Variants in SYNE1 observed in about 807,000 individuals in gnomAD.
The protein encoded by SYNE1 is spectrin repeat containing nuclear envelope protein 1.
SYNE1 carries 616 observed loss-of-function variants against 1,111.0 expected under a neutral mutation model. That is an observed-to-expected ratio of 0.55 (90% CI 0.52 to 0.59). The LOEUF (loss-of-function observed/expected upper bound fraction) is 0.59. Among genes scored for constraint, SYNE1 ranks in the 20% least tolerant of loss-of-function variants. The pLI, the probability that SYNE1 is intolerant of heterozygous loss-of-function variation, is 0.00. For missense variants in SYNE1, 10,006 were observed against 10,417.0 expected (o/e 0.96, Z 1.72); for synonymous variants, 3,855 against 3,825.8 (o/e 1.01, Z -0.28).
At chr6:152,518,508 A>G (rs2099123785) in intron 6 of SYNE1, among the ~76,000 whole-genome samples, 1 of 151,940 alleles carries the variant, frequency 6.6e-6, no homozygotes, top group Non-Finnish European at 1.5e-5. Flanking sequence ...CCATGATTGT[A>G]AGCTTCCTGA....
rs886061188 is a variant in SYNE1 at position 152,121,987 on chromosome 6, A to T, written c.*449T>A. On this transcript the variant is annotated 3_prime_UTR_variant, in exon 146 of 146. Coordinates refer to ENST00000367255, the MANE Select transcript of SYNE1 (RefSeq NM_182961.4). Reference sequence around the variant, plus strand: ...TAAAAATTGTATGTTACAAGGTTCTAAAATCTCTTCAGCACTGGTTGGTTG... The same window carrying T: ...TAAAAATTGTATGTTACAAGGTTCTTAAATCTCTTCAGCACTGGTTGGTTG... 11 of 185,286 alleles carry T rather than the reference A, an allele frequency of 5.9e-5. No homozygotes were observed. Among genetic ancestry groups the T allele is most frequent in the Non-Finnish European group, 8.1e-5 (7 of 86,112 alleles). 11.5% of individuals were successfully genotyped at this position (185,286 alleles called of 1,614,324 possible). A position where few individuals can be genotyped will look rare whatever the true frequency, so the allele number is the denominator to read the frequency against.
chr6:152,510,598 T>C (rs778134988), intron 7 of SYNE1, among the ~76,000 whole-genome samples: 20 of 152,218 alleles, frequency 1.3e-4, no homozygotes, highest in Admixed American at 3.9e-4. Context: ...AATACATGAA[T>C]GAATTAATCA....
chr6:152,318,115 C>T lies in SYNE1; in HGVS notation c.16538G>A (p.Arg5513Lys), dbSNP rs138745849. 652 of 1,614,218 alleles carry T rather than the reference C, an allele frequency of 4.0e-4. No homozygotes were observed. The highest frequency in any genetic ancestry group is 3.3e-3 in the African/African-American group (247 of 75,068). ...KLTELHQQTI[R>K]QAENRLSKLN... ...CTTGGAGAGCCGATTCTCAGCTTGT[C>T]TAATGGTCTGCTGGTGAAGTTCAGT... The change falls in exon 86 of 146, where the codon AGA becomes AAA. Residue 5513 changes from arginine to lysine, a missense_variant. Arg to Lys is a conservative substitution (Grantham distance 26). Around this residue, in one of 7 missense-constraint regions of SYNE1, gnomAD observed 4,955 missense variants for 5,017.2 expected, o/e 0.99. Transcript: ENST00000367255.
Position 152,222,897 on chromosome 6 carries a change from T to C in SYNE1, c.21523-1338A>G, listed in dbSNP as rs115836004. Among the ~76,000 whole-genome samples, 661 of 152,330 alleles carry C rather than the reference T, an allele frequency of 4.3e-3. 4 individuals are homozygous for C. The highest frequency in any genetic ancestry group is 0.015 in the African/African-American group (628 of 41,578). On this transcript the variant is annotated intron_variant, in intron 117 of 145. Coordinates refer to ENST00000367255, the MANE Select transcript of SYNE1 (RefSeq NM_182961.4). Reference sequence around the variant, plus strand: ...AGCAAAGAATATTTATCAGACAGGTTTGGCATCTTCTACCAAGCCTATCTA... The same window carrying C: ...AGCAAAGAATATTTATCAGACAGGTCTGGCATCTTCTACCAAGCCTATCTA...
chr6:152,274,548 C>CT (rs1424855108), intron 98 of SYNE1, among the ~76,000 whole-genome samples: 1 of 151,912 alleles, frequency 6.6e-6, no homozygotes, highest in East Asian at 1.9e-4. Flanking sequence ...TCATACAGAA[C>CT]TTTTTTATTT....
At chr6:152,491,385 C>A (rs960011648) in intron 11 of SYNE1, among the ~76,000 whole-genome samples, 23 of 152,260 alleles carry the variant, frequency 1.5e-4, no homozygotes, top group African/African-American at 5.1e-4. Context: ...CTGCTCACCA[C>A]CCCCTTCTCT....
intron 105 of SYNE1, among the ~76,000 whole-genome samples, chr6:152,247,879 C>CAT (rs1554272728): frequency 6.6e-6 from 1 of 151,412 alleles, no homozygotes; most frequent in African/African-American, 2.4e-5. Flanking sequence ...CACACACACA[C>CAT]ACACACACAC....
At chr6:152,138,251 T>C (rs1209305799) in intron 140 of SYNE1, among the ~76,000 whole-genome samples, 5 of 152,104 alleles carry the variant, frequency 3.3e-5, no homozygotes, top group African/African-American at 4.8e-5. Flanking sequence ...TGGCTCATGC[T>C]TGTAATCCCA....
rs561145000 is a variant in SYNE1 at position 152,391,462 on chromosome 6, T to C, written c.7819A>G (p.Asn2607Asp). Residue 2607 changes from asparagine (N) to aspartate (D), a missense_variant, in exon 52 of 146, where the codon AAC becomes GAC. Physicochemically the swap from Asn to Asp is conservative, Grantham distance 23. Coordinates refer to ENST00000367255, the MANE Select transcript of SYNE1 (RefSeq NM_182961.4). ...LCSQLLTSHQ[N>D]LLRMTKEKLR... ...TTCTCTTTGGTCATTCTAAGTAGGT[T>C]CTGGTGGCTTGTGAGGAGCTGGGAA... 1 of 1,613,518 alleles carries C rather than the reference T, an allele frequency of 6.2e-7. No individual in the cohort carries two copies. The highest frequency in any genetic ancestry group is 1.1e-5 in the South Asian group (1 of 91,054).
chr6:152,404,100 AT>A (rs1447488635), intron 46 of SYNE1, 112 bp downstream of exon 46: 10 of 502,710 alleles, frequency 2.0e-5, no homozygotes, highest in Non-Finnish European at 3.3e-5. Flanking sequence ...ATATAGATAT[AT>A]GAGATATATA....
intron 87 of SYNE1, among the ~76,000 whole-genome samples, chr6:152,313,520 T>C (rs1267296757): frequency 2.7e-5 from 4 of 150,228 alleles, no homozygotes; most frequent in African/African-American, 4.9e-5. Flanking sequence ...TGGAGTGCAA[T>C]GGCGCGATCT....
intron 11 of SYNE1, among the ~76,000 whole-genome samples, chr6:152,490,433 C>T (rs2098964225): frequency 6.6e-6 from 1 of 152,124 alleles, no homozygotes; most frequent in Non-Finnish European, 1.5e-5. Context: ...TGGTTCCTGC[C>T]TTAACCGATG....
chr6:152,266,332 G>A (rs1362050197), intron 100 of SYNE1, among the ~76,000 whole-genome samples: 1 of 152,150 alleles, frequency 6.6e-6, no homozygotes, highest in Non-Finnish European at 1.5e-5. Context: ...CATACAGAGA[G>A]GAAGCAATGC....
intron 123 of SYNE1, among the ~76,000 whole-genome samples, chr6:152,213,084 T>C (rs1380151314): frequency 6.6e-6 from 1 of 152,198 alleles, no homozygotes; most frequent in Admixed American, 6.6e-5. Flanking sequence ...TTTGTGTATA[T>C]AGTTCTTCTC....
In SYNE1 at chr6:152,293,696, G is replaced by A; in HGVS notation, c.17904C>T (p.Tyr5968=). 6.2e-7 allele frequency: 1 copy of A among 1,614,108 alleles called. No individual in the cohort carries two copies. The highest frequency in any genetic ancestry group is 8.5e-7 in the Non-Finnish European group (1 of 1,180,014). Residue 5968 remains tyrosine, a synonymous_variant, in exon 95 of 146, where the codon TAC becomes TAT. Coordinates refer to ENST00000367255, the MANE Select transcript of SYNE1 (RefSeq NM_182961.4). ...TAGAGATGGACTGGAGGGAGTCCTG[G>A]TACTTCTGCTGGCGTTCCAAAGCTT... The part of the protein sequence containing the change: ...LYEALERQQK[Y]QDSLQSISTK...
intron 82 of SYNE1, among the ~76,000 whole-genome samples, chr6:152,322,587 C>T (rs1262547020): frequency 6.6e-6 from 1 of 152,194 alleles, no homozygotes; most frequent in African/African-American, 2.4e-5. Context: ...TCCTATATCC[C>T]TGTCACCCCA....
chr6:152,350,122 A>G lies in SYNE1; in HGVS notation c.11901+46T>C, dbSNP rs770009068. ...CATGCACAGACACATGCGTACACAC[A>G]CTGGTGAAGCCATCCCAAAGGCAGC... On this transcript the variant is annotated intron_variant, in intron 72 of 145. Coordinates refer to ENST00000367255, the MANE Select transcript of SYNE1 (RefSeq NM_182961.4). The G allele has an allele frequency of 1.9e-6, 3 of 1,611,328 alleles. No individual in the cohort carries two copies. In the South Asian group the frequency reaches 3.3e-5, roughly 18 times the overall value.
intron 25 of SYNE1, among the ~76,000 whole-genome samples, chr6:152,451,592 C>T (rs1388760480): frequency 3.4e-5 from 5 of 148,954 alleles, no homozygotes; most frequent in South Asian, 2.1e-4. Flanking sequence ...AAGCGATTCT[C>T]CTGTCTCAGC....
rs534317671 is a variant in SYNE1 at position 152,472,170 on chromosome 6, G to T, written c.1463+131C>A. 4 of 740,240 alleles carry T rather than the reference G, an allele frequency of 5.4e-6. No homozygotes were observed. The South Asian group carries it at 6.9e-5, about 13-fold the overall frequency. The allele number at this position is 740,240 out of a possible 1,614,324, so 45.9% of individuals were successfully genotyped here. On this transcript the variant is annotated intron_variant, in intron 15 of 145. Transcript: ENST00000367255. ...GTGGCATTCTTAGCATGTCTTATGG[G>T]AGCCCGCTTTCTATTTACCAAAGGT... is the stretch of plus-strand genomic sequence containing the variant.
Sources: gnomAD v4.1 joint callset for allele counts (sites outside exome capture counted in the v4.1 genomes callset) on GRCh38, gnomAD v4.1.1 for gene constraint, gnomAD v4.1.1 regional missense constraint, MANE v1.5 for transcripts, NCBI Gene and HGNC (gene_info 2026-07-23, HGNC 2026-07-21) for gene names.